Variants in AIFM3 observed in about 807,000 individuals in gnomAD.
AIFM3 encodes the protein apoptosis-inducing factor 3.
In AIFM3, 71 loss-of-function variants were observed where a neutral mutation model predicts 82.7. That is an observed-to-expected ratio of 0.86 (90% CI 0.71 to 1.05). AIFM3 has a LOEUF of 1.05. Ranked by LOEUF, AIFM3 falls within the 50% of genes least tolerant of loss-of-function variation. AIFM3 has a pLI of 0.00. For synonymous variants in AIFM3, 337 were observed against 329.1 expected, an observed-to-expected ratio of 1.02 and a Z score of -0.26; for missense variants, 748 against 816.7, an observed-to-expected ratio of 0.92 and a Z score of 1.03.
intron 19 of AIFM3, 83 bp downstream of exon 19, chr22:20,980,207 C>A: frequency 7.8e-7 from 1 of 1,279,210 alleles, no homozygotes; most frequent in South Asian, 1.3e-5. Context: ...CAGCCGCCCC[C>A]ACAACCCTCC....
intron 2 of AIFM3, among the ~76,000 whole-genome samples, chr22:20,968,254 A>G (rs1246506622): frequency 6.6e-6 from 1 of 152,112 alleles, no homozygotes; most frequent in Non-Finnish European, 1.5e-5. Context: ...AAGGAAAGTC[A>G]GGGTTCCTCC....
intron 16 of AIFM3, 21 bp downstream of exon 16, chr22:20,978,026 C>T (rs1248800986): frequency 3.7e-6 from 6 of 1,610,574 alleles, no homozygotes; most frequent in South Asian, 1.1e-5. Flanking sequence ...TCCCGAGGCA[C>T]ATGGAGGGGT....
At chr22:20,974,896 T>C in intron 8 of AIFM3, 80 bp downstream of exon 8, 1 of 1,444,788 alleles carries the variant, frequency 6.9e-7, no homozygotes. Context: ...TGTCACCCCA[T>C]TGGGGTCTGG....
intron 16 of AIFM3, 79 bp from the exon 17 acceptor site, chr22:20,979,192 G>A (rs546662206): frequency 2.1e-6 from 3 of 1,446,900 alleles, no homozygotes; most frequent in Non-Finnish European, 1.9e-6. Context: ...CGTGTCAGGG[G>A]TCCCCAGGGC....
intron 2 of AIFM3, among the ~76,000 whole-genome samples, chr22:20,969,075 A>G (rs561899100): frequency 1.8e-4 from 27 of 152,352 alleles, no homozygotes; most frequent in African/African-American, 6.5e-4. Flanking sequence ...TGCCTTGGGC[A>G]GATGACGTCC....
chr22:20,976,572 G>C (rs1923684054), intron 11 of AIFM3, 34 bp downstream of exon 11: 2 of 1,612,852 alleles, frequency 1.2e-6, no homozygotes, highest in Admixed American at 3.3e-5. Flanking sequence ...ATGGTGGTCA[G>C]GTCGTCATGG....
At chr22:20,973,281 G>A in intron 2 of AIFM3, 26 bp from the exon 3 acceptor site, 1 of 1,553,762 alleles carries the variant, frequency 6.4e-7, no homozygotes, top group Non-Finnish European at 8.7e-7. Context: ...TGAGGTGGGG[G>A]GCTCAAGGCG....
At position 20,974,202 on chromosome 22, in the gene AIFM3, C is replaced by A. The variant is rs765403570; in HGVS notation, c.465+30C>A. ...GGCCAGGAGTGCGATGGGGTGGGAA[C>A]CTGGGGGTGTGGGGTTCGGGGCTGG... is the stretch of plus-strand genomic sequence containing the variant. On this transcript the variant is annotated intron_variant, in intron 5 of 20. Transcript: ENST00000440238. 5 of 1,613,482 alleles carry A rather than the reference C, an allele frequency of 3.1e-6. No homozygotes were observed. In the South Asian group the frequency reaches 4.4e-5, roughly 14 times the overall value.
Position 20,974,000 on chromosome 22 carries a change from G to A in AIFM3, c.356-63G>A, listed in dbSNP as rs915483669. The A allele has an allele frequency of 5.2e-6, 8 of 1,525,650 alleles. No homozygotes were observed. The African/African-American group carries it at 9.6e-5, about 18-fold the overall frequency. 94.5% of individuals were successfully genotyped at this position (1,525,650 alleles called of 1,614,324 possible). A position where few individuals can be genotyped will look rare whatever the true frequency, so the allele number is the denominator to read the frequency against. On this transcript the variant is annotated intron_variant, in intron 4 of 20. Coordinates refer to ENST00000440238, the MANE Select transcript of AIFM3 (RefSeq NM_001386814.1). ...TGGGGAGGGGCCCGCAGTTGCCGGG[G>A]CACTGAGATCCTTGGGAAGCAACCC...
At chr22:20,980,970 C>T (rs178278) in intron 20 of AIFM3, 22 bp from the exon 21 acceptor site, 1 of 1,613,672 alleles carries the variant, frequency 6.2e-7, no homozygotes, top group Non-Finnish European at 8.5e-7. Flanking sequence ...TGTCTTGACC[C>T]CTCCTCCCCT....
In AIFM3 at chr22:20,981,272, T is replaced by A. The variant is rs542299298; in HGVS notation, c.*241T>A. 1 of 572,744 alleles carries A rather than the reference T, an allele frequency of 1.7e-6. No individual in the cohort carries two copies. The highest frequency in any genetic ancestry group is 3.0e-5 in the East Asian group (1 of 33,810). The allele number at this position is 572,744 out of a possible 1,614,324, so 35.5% of individuals were successfully genotyped here. A position where few individuals can be genotyped will look rare whatever the true frequency, so the allele number is the denominator to read the frequency against. On this transcript the variant is annotated 3_prime_UTR_variant, in exon 21 of 21. Transcript: ENST00000440238. ...CACTGGAGGCAGGACAAGCCCTGCC[T>A]CTTCTCCCTCTATTGGGACTGGTCC...
chr22:20,980,598 G>T, intron 19 of AIFM3, 149 bp from the exon 20 acceptor site: 1 of 935,332 alleles, frequency 1.1e-6, no homozygotes. Flanking sequence ...AGAGCTCCCA[G>T]GGACTGGGGA....
chr22:20,973,723 G>A, intron 3 of AIFM3, 35 bp from the exon 4 acceptor site: 1 of 1,506,898 alleles, frequency 6.6e-7, no homozygotes. Context: ...TGTGCCTGGT[G>A]TCTGGCCTGA....
Position 20,980,759 on chromosome 22 carries a change from G to A in AIFM3, c.1770G>A (p.Leu590=). ...TGCCTTCGTGAAGGCTGTTTGTGCT[G>A]CACAGCAAGTACGTGTGTCCTTCAT... is the stretch of plus-strand genomic sequence containing the variant. ...IRKREVELFV[L]HSKTGDMSWL... Residue 590 remains leucine, a synonymous_variant, in exon 20 of 21, where the codon CTG becomes CTA. Coordinates refer to ENST00000440238, the MANE Select transcript of AIFM3 (RefSeq NM_001386814.1). 6.2e-7 allele frequency: 1 copy of A among 1,614,160 alleles called. No individual in the cohort carries two copies. Among genetic ancestry groups the A allele is most frequent in the South Asian group, 1.1e-5 (1 of 91,076 alleles).
chr22:20,980,954 TTCTTCTGTCTTGACCCC>T, intron 20 of AIFM3, 21 bp from the exon 21 acceptor site: 2 of 1,614,094 alleles, frequency 1.2e-6, no homozygotes, highest in Non-Finnish European at 1.7e-6. Context: ...AGAGCCTGTT[TTCTTCTGTCTTGACCCC>T]TCCTCCCCTC....
rs1422228463 is a variant in AIFM3, at chr22:20,974,176, G to C, written c.465+4G>C. On this transcript the variant is annotated splice_donor_region_variant and intron_variant, in intron 5 of 20. Coordinates refer to ENST00000440238, the MANE Select transcript of AIFM3 (RefSeq NM_001386814.1). ...GGACAGTCTACACAAGTTCCAGGTG[G>C]GGCCAGGAGTGCGATGGGGTGGGAA... The C allele has an allele frequency of 6.2e-7, 1 of 1,613,408 alleles. No homozygotes were observed. The highest frequency in any genetic ancestry group is 1.7e-5 in the Admixed American group (1 of 59,974).
At chr22:20,971,024 C>T (rs2147937551) in intron 2 of AIFM3, among the ~76,000 whole-genome samples, 1 of 152,324 alleles carries the variant, frequency 6.6e-6, no homozygotes, top group East Asian at 1.9e-4. Flanking sequence ...AGACGCCTCT[C>T]CCCTCTACCT....
intron 6 of AIFM3, 98 bp from the exon 7 acceptor site, chr22:20,974,427 C>T (rs1191436493): frequency 5.1e-6 from 8 of 1,555,538 alleles, no homozygotes; most frequent in South Asian, 1.2e-5. Context: ...TGAGGGGTTG[C>T]GGTAGGGATG....
At chr22:20,975,583 C>G (rs1923586980) in intron 8 of AIFM3, 109 bp from the exon 9 acceptor site, 2 of 1,058,122 alleles carry the variant, frequency 1.9e-6, no homozygotes, top group Non-Finnish European at 2.9e-6. Flanking sequence ...TCTGGGTTTG[C>G]TGAGTTCTGT....
Sources: allele counts gnomAD v4.1 joint callset (sites outside exome capture counted in the v4.1 genomes callset), GRCh38; gene constraint gnomAD v4.1.1; transcripts MANE v1.5; gene names NCBI Gene and HGNC (gene_info 2026-07-23, HGNC 2026-07-21).